The following TENM1 variants were observed in gnomAD, a reference collection of about 807,000 sequenced individuals.
TENM1 encodes the protein teneurin transmembrane protein 1.
In TENM1, 35 loss-of-function variants were observed where a neutral mutation model predicts 174.8. That is an observed-to-expected ratio of 0.20 (90% CI 0.15 to 0.27). TENM1 has a LOEUF of 0.27. Among genes scored for constraint, TENM1 ranks in the 10% least tolerant of loss-of-function variants. TENM1 has a pLI of 1.00. For missense variants in TENM1, 1,633 were observed against 2,130.1 expected, an observed-to-expected ratio of 0.77 and a Z score of 4.59; for synonymous variants, 781 against 798.7, an observed-to-expected ratio of 0.98 and a Z score of 0.37.
At chrX:124,892,641 C>T (rs945889913) in intron 3 of TENM1, among the ~76,000 whole-genome samples, 1 of 111,638 alleles carries the variant, frequency 9.0e-6, no homozygotes, top group African/African-American at 3.3e-5. Flanking sequence ...TAACAATTTC[C>T]TCCATCTTCA....
At chrX:124,986,107 T>C in the TENM1 span, among the ~76,000 whole-genome samples, 2 of 111,850 alleles carry the variant, frequency 1.8e-5, no homozygotes, top group Non-Finnish European at 3.8e-5. Flanking sequence ...GAAATCAGAA[T>C]TATCTTAAGA....
At chrX:124,501,346 C>A (rs1569534973) in intron 19 of TENM1, among the ~76,000 whole-genome samples, 2 of 111,505 alleles carry the variant, frequency 1.8e-5, no homozygotes, top group Non-Finnish European at 3.8e-5. Context: ...TATTGGGAAA[C>A]AATTCTCCAC....
At chrX:124,843,725 A>T (rs1341388930) in intron 3 of TENM1, among the ~76,000 whole-genome samples, 1 of 111,585 alleles carries the variant, frequency 9.0e-6, no homozygotes, top group African/African-American at 3.3e-5. Context: ...GAGGGGTCCA[A>T]ACTTGTTTGT....
At chrX:125,109,338 T>C in the TENM1 span, among the ~76,000 whole-genome samples, 6 of 112,011 alleles carry the variant, frequency 5.4e-5, no homozygotes, top group African/African-American at 1.9e-4. Flanking sequence ...CCATGACTTA[T>C]AGAACTGGGA....
At chrX:124,422,717 A>T (rs1272108275) in intron 23 of TENM1, 79 bp from the exon 27 acceptor site, 2 of 1,016,730 alleles carry the variant, frequency 2.0e-6, no homozygotes, top group East Asian at 6.1e-5. Context: ...AAAGAAAAAA[A>T]AATTGGTGTA....
At chrX:124,687,505 A>T (rs777851460) in intron 5 of TENM1, among the ~76,000 whole-genome samples, 1 of 112,361 alleles carries the variant, frequency 8.9e-6, no homozygotes, top group African/African-American at 3.2e-5. Flanking sequence ...AATACCATTC[A>T]GGACATAGGC....
chrX:125,125,549 C>T, the TENM1 span, among the ~76,000 whole-genome samples: 2 of 111,695 alleles, frequency 1.8e-5, no homozygotes, highest in East Asian at 2.8e-4. Flanking sequence ...TTACCTTTTC[C>T]GCAGAAAAGT....
the TENM1 span, among the ~76,000 whole-genome samples, chrX:125,071,385 T>C: frequency 0.015 from 1,709 of 111,774 alleles, 26 homozygotes; most frequent in African/African-American, 0.053. Flanking sequence ...TAGAGATTCA[T>C]CCCAATCTCC....
At chrX:125,043,053 TAAA>T in the TENM1 span, among the ~76,000 whole-genome samples, 2 of 110,129 alleles carry the variant, frequency 1.8e-5, no homozygotes, top group African/African-American at 6.6e-5. Context: ...GAATAAACCA[TAAA>T]AACCCTAGAA....
the TENM1 span, among the ~76,000 whole-genome samples, chrX:125,184,968 A>C: frequency 9.0e-6 from 1 of 111,723 alleles, no homozygotes; most frequent in South Asian, 3.8e-4. Flanking sequence ...ACACTCTCAA[A>C]GCTCCATTTG....
the TENM1 span, among the ~76,000 whole-genome samples, chrX:124,989,887 A>G: frequency 8.9e-6 from 1 of 111,880 alleles, no homozygotes; most frequent in Non-Finnish European, 1.9e-5. Context: ...TAACTTAAGC[A>G]TTCACACTAT....
At chrX:124,953,611 C>A (rs983577179) in intron 1 of TENM1, among the ~76,000 whole-genome samples, 20 of 111,288 alleles carry the variant, frequency 1.8e-4, no homozygotes, top group African/African-American at 6.5e-4. Context: ...GAATATGTAT[C>A]CCCTTTGATC....
At chrX:124,558,521 AAG>A (rs2048742634) in intron 14 of TENM1, among the ~76,000 whole-genome samples, 1 of 111,608 alleles carries the variant, frequency 9.0e-6, no homozygotes, top group African/African-American at 3.3e-5. Flanking sequence ...ATGCACAAAC[AAG>A]TAGACTAATA....
At chrX:124,417,995 G>A (rs1380147730) in intron 25 of TENM1, among the ~76,000 whole-genome samples, 4 of 112,061 alleles carry the variant, frequency 3.6e-5, no homozygotes, top group African/African-American at 1.3e-4. Context: ...ATCATCTTTT[G>A]CCTGCATTAT....
rs775622017 is a variant in TENM1 at position 124,420,759 on chromosome X, C to T, written c.4534G>A (p.Asp1512Asn). The T allele has an allele frequency of 6.6e-6, 8 of 1,211,254 alleles. No homozygotes were observed. In the South Asian group the frequency reaches 1.2e-4, roughly 19 times the overall value. ...AGGTCTGCCACATAGAGGGTTCCAT[C>T]AGGCGACACTGCTAAGGAGGAAGGG... The change falls in exon 25 of 32, where the codon GAT becomes AAT. Residue 1512 changes from aspartate (D) to asparagine (N), a missense_variant. Asp to Asn is a conservative substitution (Grantham distance 23, BLOSUM62 1). This residue lies in a region of TENM1 where 807 missense variants were observed against 1,125.3 expected (regional missense o/e 0.72). Transcript: ENST00000422452.
At chrX:125,080,017 C>T in the TENM1 span, among the ~76,000 whole-genome samples, 9 of 110,269 alleles carry the variant, frequency 8.2e-5, no homozygotes, top group South Asian at 1.2e-3. Flanking sequence ...CACTGATTGC[C>T]GCAGCTCTGA....
chrX:124,391,271 A>T (rs2060278856), intron 28 of TENM1, among the ~76,000 whole-genome samples: 1 of 111,432 alleles, frequency 9.0e-6, no homozygotes, highest in Admixed American at 9.5e-5. Context: ...TTTTTGTAGA[A>T]ATTAATTTAG....
At chrX:125,164,007 T>C in the TENM1 span, among the ~76,000 whole-genome samples, 8 of 112,013 alleles carry the variant, frequency 7.1e-5, no homozygotes, top group East Asian at 5.7e-4. Flanking sequence ...CTATAAGCCA[T>C]GAAACAACAA....
chrX:124,752,128 T>A (rs1397763366), intron 3 of TENM1, among the ~76,000 whole-genome samples: 1 of 111,411 alleles, frequency 9.0e-6, no homozygotes, highest in East Asian at 2.8e-4. Flanking sequence ...AGTGTTCCTA[T>A]TTCTCCACAT....
Sources: gnomAD v4.1 joint callset for allele counts (sites outside exome capture counted in the v4.1 genomes callset) on GRCh38, gnomAD v4.1.1 for gene constraint, gnomAD v4.1.1 regional missense constraint, MANE v1.5 for transcripts, NCBI Gene and HGNC (gene_info 2026-07-23, HGNC 2026-07-21) for gene names.